LY6K: variants seen among roughly 807,000 people sequenced by gnomAD.
LY6K encodes the protein lymphocyte antigen 6K.
Under a neutral mutation model 10.4 loss-of-function variants are expected in LY6K, and 9 were observed. That is an observed-to-expected ratio of 0.87 (90% CI 0.52 to 1.52). The LOEUF (loss-of-function observed/expected upper bound fraction) is 1.52, where lower values mean the gene tolerates loss of function less well. Ranked by LOEUF, LY6K falls within the 40% of genes most tolerant of loss-of-function variation. The pLI, the probability that LY6K is intolerant of heterozygous loss-of-function variation, is 0.00. For missense variants in LY6K, 217 were observed against 211.7 expected, an observed-to-expected ratio of 1.02 and a Z score of -0.15; for synonymous variants, 98 against 83.7, an observed-to-expected ratio of 1.17 and a Z score of -0.94.
chr8:142,703,255 A>G lies in LY6K; in HGVS notation c.382A>G (p.Ile128Val). 7 of 1,614,184 alleles carry G rather than the reference A, an allele frequency of 4.3e-6. No homozygotes were observed. The South Asian group carries it at 6.6e-5, about 15-fold the overall frequency. The change falls in exon 3 of 3, where the codon ATC (isoleucine) becomes GTC (valine). Residue 128 changes from isoleucine to valine, a missense_variant. By Grantham distance (29) the Ile-to-Val change is conservative. Transcript: ENST00000292430. The stretch of plus-strand genomic sequence containing the variant: ...CTACTGCAATTTAGAGGGGCCACCT[A>G]TCAACTCATCAGTGTTCAAAGAATA... ...IRYCNLEGPPINSSVFKEYAG... is the reference protein window; with the variant it reads ...IRYCNLEGPPVNSSVFKEYAG...
At chr8:142,702,101 G>A (rs782283367) in intron 2 of LY6K, 22 of 265,954 alleles carry the variant, frequency 8.3e-5, no homozygotes, top group Non-Finnish European at 6.5e-5. Context: ...AAGCCACCGC[G>A]CCCTGCCTTT....
At chr8:142,702,873 A>G (rs587716334) in intron 2 of LY6K, 26 of 1,546,098 alleles carry the variant, frequency 1.7e-5, no homozygotes, top group Middle Eastern at 3.4e-4. Context: ...CCCAGTGCAT[A>G]TGGACAGGCC....
intron 2 of LY6K, 33 bp downstream of exon 2, chr8:142,701,746 G>A (rs6987246): frequency 0.025 from 36,274 of 1,463,500 alleles, 971 homozygotes; most frequent in East Asian, 0.11. Flanking sequence ...GGGACCCAAA[G>A]GCAGGTGAAC....
chr8:142,702,554 C>G, intron 2 of LY6K: 1 of 1,535,690 alleles, frequency 6.5e-7, no homozygotes, highest in Non-Finnish European at 8.7e-7. Flanking sequence ...CTCTCCAGCC[C>G]TTCGGTATCC....
intron 2 of LY6K, chr8:142,702,328 A>G (rs1815073031): frequency 1.6e-6 from 1 of 609,270 alleles, no homozygotes. Flanking sequence ...CACTCTTACA[A>G]GAGATGCACA....
chr8:142,701,644 A>G lies in LY6K; in HGVS notation c.148A>G (p.Asn50Asp). The G allele has an allele frequency of 6.2e-7, 1 of 1,614,032 alleles. No individual in the cohort carries two copies. Among genetic ancestry groups the G allele is most frequent in the East Asian group, 2.2e-5 (1 of 44,880 alleles). Residue 50 changes from asparagine (N) to aspartate (D), a missense_variant, in exon 2 of 3, where the codon AAC (asparagine) becomes GAC (aspartate). Asn to Asp is a conservative substitution (Grantham distance 23, BLOSUM62 1). Coordinates refer to ENST00000292430, the MANE Select transcript of LY6K (RefSeq NM_017527.4). The part of the protein sequence containing the change: ...RVWCHVCERE[N>D]TFECQNPRRC... ...GTGGTGTCATGTTTGTGAGAGAGAA[A>G]ACACTTTCGAGTGCCAGAACCCAAG...
At position 142,701,503 on chromosome 8, in the gene LY6K, G is replaced by A. The variant is rs1815031236; in HGVS notation, c.104-97G>A. ...CACTGCTCAGGGGGAGAAGGATGGG[G>A]ACCCGCCGAGTTTGTGCTGGTCGGA... On this transcript the variant is annotated intron_variant, in intron 1 of 2. Transcript: ENST00000292430. 2.0e-5 allele frequency: 15 copies of A among 767,286 alleles called. No individual in the cohort carries two copies. In the South Asian group the frequency reaches 2.5e-4, roughly 13 times the overall value. 47.5% of individuals were successfully genotyped at this position (767,286 alleles called of 1,614,324 possible). A position where few individuals can be genotyped will look rare whatever the true frequency, so the allele number is the denominator to read the frequency against.
At position 142,700,591 on chromosome 8, in the gene LY6K, A is replaced by G; in HGVS notation, c.64A>G (p.Thr22Ala). 1.9e-6 allele frequency: 3 copies of G among 1,576,276 alleles called. No individual in the cohort carries two copies. The highest frequency in any genetic ancestry group is 2.6e-6 in the Non-Finnish European group (3 of 1,163,816). ...GCGGGTGTGGACAGACGCCAACCTG[A>G]CTGCGAGACAACGAGATCCAGAGGA... The part of the protein sequence containing the change: ...LPRVWTDANL[T>A]ARQRDPEDSQ... The change falls in exon 1 of 3, where the codon ACT becomes GCT. Residue 22 changes from threonine to alanine, a missense_variant. By Grantham distance (58) the Thr-to-Ala change is moderately conservative. Coordinates refer to ENST00000292430, the MANE Select transcript of LY6K (RefSeq NM_017527.4).
At chr8:142,701,734 T>G (rs1815045251) in intron 2 of LY6K, 21 bp downstream of exon 2, 1 of 1,548,432 alleles carries the variant, frequency 6.5e-7, no homozygotes, top group Admixed American at 1.7e-5. Context: ...TCGCTCTTGT[T>G]GGGGACCCAA....
chr8:142,700,853 C>T (rs868981789), intron 1 of LY6K, among the ~76,000 whole-genome samples: 3 of 152,066 alleles, frequency 2.0e-5, no homozygotes, highest in East Asian at 1.9e-4. Context: ...CCGCTCCGGC[C>T]GCGCTTCCCC....
At position 142,701,599 on chromosome 8, in the gene LY6K, G is replaced by C. The variant is rs782620224; in HGVS notation, c.104-1G>C. ...GCTTTCTTTTTTATTCCTCCTTTCA[G>C]ACGAGGGTGACAATAGAGTGTGGTG... is the stretch of plus-strand genomic sequence containing the variant. On this transcript the variant is annotated splice_acceptor_variant, in intron 1 of 2. Coordinates refer to ENST00000292430, the MANE Select transcript of LY6K (RefSeq NM_017527.4). LOFTEE classifies it high-confidence loss of function. 11 of 1,595,492 alleles carry C rather than the reference G, an allele frequency of 6.9e-6. No homozygotes were observed. The highest frequency in any genetic ancestry group is 3.3e-5 in the Admixed American group (2 of 59,958).
intron 2 of LY6K, chr8:142,702,743 G>A: frequency 6.7e-7 from 1 of 1,486,674 alleles, no homozygotes; most frequent in Non-Finnish European, 9.0e-7. Flanking sequence ...CACACCCTGG[G>A]TGATGGCCAG....
At chr8:142,700,931 AAGCTGCGGGAG>A (rs1224689056) in intron 1 of LY6K, among the ~76,000 whole-genome samples, 5 of 151,972 alleles carry the variant, frequency 3.3e-5, no homozygotes, top group African/African-American at 1.2e-4. Flanking sequence ...AGAACCGTTC[AAGCTGCGGGAG>A]GAGGGCCGGC....
intron 2 of LY6K, 190 bp downstream of exon 2, chr8:142,701,903 G>A (rs587654788): frequency 1.2e-4 from 60 of 513,610 alleles, no homozygotes; most frequent in Non-Finnish European, 1.8e-4. Context: ...CTCGCCTTCC[G>A]GGTTCAAGCG....
chr8:142,704,579 C>T lies in LY6K; in HGVS notation c.*1208C>T, dbSNP rs1255275302. ...ATCGTTGGCTGACTTTCTCTATACA[C>T]TCTCATAATAAGATGTTACTGTTCT... On this transcript the variant is annotated 3_prime_UTR_variant, in exon 3 of 3. Transcript: ENST00000292430. 6.6e-6 allele frequency: 1 copy of T among 152,182 alleles called. No homozygotes were observed. The highest frequency in any genetic ancestry group is 1.5e-5 in the Non-Finnish European group (1 of 68,044). 9.4% of individuals were successfully genotyped at this position (152,182 alleles called of 1,614,324 possible). A position where few individuals can be genotyped will look rare whatever the true frequency, so the allele number is the denominator to read the frequency against.
chr8:142,701,242 A>C (rs1283645716), intron 1 of LY6K, among the ~76,000 whole-genome samples: 1 of 152,216 alleles, frequency 6.6e-6, no homozygotes, highest in East Asian at 1.9e-4. Context: ...CCAGGAGAGA[A>C]GAAAAATCAC....
At position 142,701,640 on chromosome 8, in the gene LY6K, A is replaced by G; in HGVS notation, c.144A>G (p.Arg48=). The G allele has an allele frequency of 6.2e-7, 1 of 1,613,956 alleles. No homozygotes were observed. The highest frequency in any genetic ancestry group is 1.1e-5 in the South Asian group (1 of 91,070). The part of the protein sequence containing the change: ...DNRVWCHVCE[R]ENTFECQNPR... ...GAGTGTGGTGTCATGTTTGTGAGAG[A>G]GAAAACACTTTCGAGTGCCAGAACC... Residue 48 remains arginine (R), a synonymous_variant, in exon 2 of 3, where the codon AGA becomes AGG. Transcript: ENST00000292430.
At chr8:142,701,497 G>A in intron 1 of LY6K, 103 bp from the exon 2 acceptor site, 2 of 742,832 alleles carry the variant, frequency 2.7e-6, no homozygotes, top group Non-Finnish European at 4.7e-6. Flanking sequence ...GGGGGAGAAG[G>A]ATGGGGACCC....
intron 2 of LY6K, chr8:142,702,583 T>C: frequency 6.5e-7 from 1 of 1,535,642 alleles, no homozygotes; most frequent in Non-Finnish European, 8.7e-7. Flanking sequence ...GGTGGGGTGC[T>C]GAGGTGATGC....
Sources: gnomAD v4.1 joint callset for allele counts (sites outside exome capture counted in the v4.1 genomes callset) on GRCh38, gnomAD v4.1.1 for gene constraint, MANE v1.5 for transcripts, NCBI Gene and HGNC (gene_info 2026-07-23, HGNC 2026-07-21) for gene names.